The following OSBPL2 variants were observed in gnomAD, a reference collection of about 807,000 sequenced individuals.
OSBPL2 encodes oxysterol binding protein like 2, also known as oxysterol-binding protein-related protein 2.
In OSBPL2, 18 loss-of-function variants were observed where a neutral mutation model predicts 58.4. That is an observed-to-expected ratio of 0.31 (90% confidence interval 0.21 to 0.46). The LOEUF (loss-of-function observed/expected upper bound fraction) is 0.46. OSBPL2 is among the 20% of genes least tolerant of loss of function. The probability of loss-of-function intolerance (pLI) is 1.00; values close to 1 mark genes in which losing one functional copy is unlikely to be tolerated. For missense variants in OSBPL2, 461 were observed against 616.5 expected, an observed-to-expected ratio of 0.75 and a Z score of 2.67; for synonymous variants, 221 against 234.1, an observed-to-expected ratio of 0.94 and a Z score of 0.51.
At chr20:62,246,625 T>A (rs1980133252) in intron 1 of OSBPL2, among the ~76,000 whole-genome samples, 1 of 152,102 alleles carries the variant, frequency 6.6e-6, no homozygotes, top group African/African-American at 2.4e-5. Context: ...CAGGGAGGGA[T>A]GAGGTGTCAG....
rs56127103 is a variant in OSBPL2, at chr20:62,269,058, CA to C, written c.259-3053del. 7.3e-3 allele frequency among the ~76,000 whole-genome samples: 989 copies of C among 135,378 alleles called. 1 individual carries two copies. The highest frequency in any genetic ancestry group is 0.014 in the African/African-American group (521 of 36,570). 88.8% of individuals were successfully genotyped at this position (135,378 alleles called of 152,430 possible). A position where few individuals can be genotyped will look rare whatever the true frequency, so the allele number is the denominator to read the frequency against. On this transcript the variant is annotated intron_variant, in intron 4 of 13. Transcript: ENST00000313733. This position sits in a 1 kb window ranked among gnomAD's most constrained non-coding sequence, Gnocchi z 4.2. ...TAGGCGACAGTGTGAGACTCCAACT[CA>C]AAAAAAAAAAAAATGTTTTTTTGTA...
chr20:62,266,528 T>C (rs1981671661), intron 4 of OSBPL2, among the ~76,000 whole-genome samples: 1 of 152,200 alleles, frequency 6.6e-6, no homozygotes, highest in African/African-American at 2.4e-5. Context: ...TGGCTCGTTC[T>C]GGATCTGCAG....
At chr20:62,280,788 C>T (rs959234754) in intron 7 of OSBPL2, among the ~76,000 whole-genome samples, 7 of 152,236 alleles carry the variant, frequency 4.6e-5, no homozygotes, top group Non-Finnish European at 8.8e-5. Flanking sequence ...ACAGGAAAGC[C>T]ATTTGTCTTT....
intron 4 of OSBPL2, among the ~76,000 whole-genome samples, chr20:62,268,049 A>ATTTTTTTTTTT (rs149417240): frequency 2.3e-4 from 27 of 116,184 alleles, no homozygotes; most frequent in East Asian, 1.8e-3. Flanking sequence ...TGCCCGGCTA[A>ATTTTTTTTTTT]TTTTTTTTTT....
chr20:62,284,778 A>G (rs1178236300), intron 10 of OSBPL2: 2 of 152,296 alleles, frequency 1.3e-5, no homozygotes, highest in Non-Finnish European at 2.9e-5. Flanking sequence ...GGCTGGAAGT[A>G]TCTGAGGGAA....
rs1202996110 is a variant in OSBPL2, at chr20:62,273,420, G to A, written c.491+14G>A. ...TGAATTAATCAGGTAAGGGGGGAAA[G>A]GCCCATCATAAATATCTTGTAAATG... On this transcript the variant is annotated intron_variant, in intron 6 of 13. Coordinates refer to ENST00000313733, the MANE Select transcript of OSBPL2 (RefSeq NM_144498.4). 8 of 1,555,904 alleles carry A rather than the reference G, an allele frequency of 5.1e-6. No homozygotes were observed. The highest frequency in any genetic ancestry group is 7.0e-6 in the Non-Finnish European group (8 of 1,137,430).
At chr20:62,280,567 C>A (rs1219609319) in intron 7 of OSBPL2, among the ~76,000 whole-genome samples, 1 of 152,234 alleles carries the variant, frequency 6.6e-6, no homozygotes, top group East Asian at 1.9e-4. Context: ...GGCTGCTGAT[C>A]TGCTGCCTCA....
Position 62,269,340 on chromosome 20 carries a change from ATG to A in OSBPL2, c.259-2779_259-2778del, listed in dbSNP as rs994912295. On this transcript the variant is annotated intron_variant, in intron 4 of 13. Transcript: ENST00000313733. The surrounding 1 kb of genome is among the most constrained non-coding windows in gnomAD (Gnocchi z 4.2). ...GCCGTGCGGCAGCAAAGAGCCCTGCATGTGTGTTTGGCCGAGGCTCTGTGGGA... is the reference window on the plus strand; with the variant it reads ...GCCGTGCGGCAGCAAAGAGCCCTGCATGTGTTTGGCCGAGGCTCTGTGGGA... 8.5e-5 allele frequency among the ~76,000 whole-genome samples: 13 copies of A among 152,152 alleles called. No homozygotes were observed. Among genetic ancestry groups the A allele is most frequent in the African/African-American group, 3.1e-4 (13 of 41,418 alleles).
chr20:62,256,758 C>G (rs1326103726), intron 2 of OSBPL2, among the ~76,000 whole-genome samples: 2 of 152,228 alleles, frequency 1.3e-5, no homozygotes, highest in Non-Finnish European at 2.9e-5. Context: ...GACCGTGTTG[C>G]AGGGCTCATG....
intron 6 of OSBPL2, chr20:62,278,938 T>C: frequency 1.9e-6 from 1 of 532,676 alleles, no homozygotes; most frequent in South Asian, 2.4e-5. Flanking sequence ...GTTGCCAACG[T>C]TAGGCCAAGT....
chr20:62,291,595 C>A, intron 12 of OSBPL2, 108 bp from the exon 13 acceptor site: 2 of 922,954 alleles, frequency 2.2e-6, no homozygotes, highest in Non-Finnish European at 3.5e-6. Flanking sequence ...TTGTCTGTGG[C>A]ATTCCAGCCA....
At chr20:62,260,209 G>A (rs914454746) in intron 3 of OSBPL2, 84 bp downstream of exon 3, 7 of 1,340,094 alleles carry the variant, frequency 5.2e-6, no homozygotes, top group Admixed American at 4.0e-5. Flanking sequence ...CAGCCCTCAC[G>A]AGCATTGAGC....
In OSBPL2 at chr20:62,294,105, C is replaced by G. The variant is rs1281567269; in HGVS notation, c.*218C>G. On this transcript the variant is annotated 3_prime_UTR_variant, in exon 14 of 14. Coordinates refer to ENST00000313733, the MANE Select transcript of OSBPL2 (RefSeq NM_144498.4). ...CTCTTCATAAAGCTTCACTTGGGAT[C>G]ATCGTCTTCATTAAGGTTTCAACAG... 1 of 619,200 alleles carries G rather than the reference C, an allele frequency of 1.6e-6. No homozygotes were observed. The highest frequency in any genetic ancestry group is 1.9e-5 in the African/African-American group (1 of 52,180). 38.4% of individuals were successfully genotyped at this position (619,200 alleles called of 1,614,324 possible). A position where few individuals can be genotyped will look rare whatever the true frequency, so the allele number is the denominator to read the frequency against.
intron 12 of OSBPL2, among the ~76,000 whole-genome samples, chr20:62,290,419 T>TTTTG (rs1205936485): frequency 7.4e-6 from 1 of 135,570 alleles, no homozygotes; most frequent in Non-Finnish European, 1.6e-5. Flanking sequence ...GGGTTTTTTT[T>TTTTG]TTTTTTTTTT....
rs148198284 is a variant in OSBPL2 at position 62,291,748 on chromosome 20, A to C, written c.1295A>C (p.Glu432Ala). The C allele has an allele frequency of 2.5e-5, 40 of 1,613,456 alleles. No individual in the cohort carries two copies. The African/African-American group carries it at 4.9e-4, about 20-fold the overall frequency. The part of the protein sequence containing the change: ...EKERLEEKQR[E>A]ARRERAKEEA... ...GAGCGGCTGGAGGAGAAGCAGAGAG[A>C]AGCACGGAGGGAGCGGGCCAAGGAG... Residue 432 changes from glutamate to alanine, a missense_variant, in exon 13 of 14, where the codon GAA (glutamate) becomes GCA (alanine). By Grantham distance (107) the Glu-to-Ala change is moderately radical (BLOSUM62 -1). Transcript: ENST00000313733.
At chr20:62,283,308 C>T (rs938439251) in intron 9 of OSBPL2, among the ~76,000 whole-genome samples, 6 of 152,166 alleles carry the variant, frequency 3.9e-5, no homozygotes, top group Admixed American at 6.5e-5. Context: ...CCCAGTTCCC[C>T]GCGTCTGTGT....
At chr20:62,271,425 C>T (rs529755802) in intron 4 of OSBPL2, among the ~76,000 whole-genome samples, 8 of 152,242 alleles carry the variant, frequency 5.3e-5, no homozygotes, top group East Asian at 1.9e-4. Context: ...TTTTTAACGG[C>T]GTGGGTGGCT....
At chr20:62,249,661 G>A (rs1033326855) in intron 1 of OSBPL2, among the ~76,000 whole-genome samples, 1 of 152,152 alleles carries the variant, frequency 6.6e-6, no homozygotes. Flanking sequence ...TGCAACCTCC[G>A]CCTCCCAGGT....
chr20:62,262,262 A>G (rs1981366590), intron 3 of OSBPL2, among the ~76,000 whole-genome samples: 2 of 151,898 alleles, frequency 1.3e-5, no homozygotes, highest in Admixed American at 6.6e-5. Context: ...CAGCACCCTC[A>G]CCTGTGCCCT....
Sources: gnomAD v4.1 joint callset for allele counts (sites outside exome capture counted in the v4.1 genomes callset) on GRCh38, gnomAD v4.1.1 for gene constraint, Gnocchi (gnomAD v3.1) non-coding constraint, MANE v1.5 for transcripts, NCBI Gene and HGNC (gene_info 2026-07-23, HGNC 2026-07-21) for gene names.